Variants in GNA14 observed in about 807,000 individuals in gnomAD.
The protein encoded by GNA14 is G protein subunit alpha 14.
Under a neutral mutation model 42.0 loss-of-function variants are expected in GNA14, and 50 were observed. The ratio of observed to expected loss-of-function variants is 1.19; its 90% confidence interval spans 0.95 to 1.51. The LOEUF (loss-of-function observed/expected upper bound fraction) is 1.51, where lower values mean the gene tolerates loss of function less well. Among genes scored for constraint, GNA14 ranks in the 40% most tolerant of loss-of-function variants. GNA14 has a pLI of 0.00. For synonymous variants in GNA14, 173 were observed against 163.1 expected, an observed-to-expected ratio of 1.06 and a Z score of -0.46; for missense variants, 473 against 446.2, an observed-to-expected ratio of 1.06 and a Z score of -0.54.
At chr9:77,613,480 ATAAC>A (rs1823763159) in intron 1 of GNA14, among the ~76,000 whole-genome samples, 2 of 152,254 alleles carry the variant, frequency 1.3e-5, no homozygotes, top group African/African-American at 2.4e-5. Flanking sequence ...CATGGTGCCT[ATAAC>A]TAACAATAAT....
chr9:77,527,788 C>G (rs907706927), intron 2 of GNA14, among the ~76,000 whole-genome samples: 2 of 152,196 alleles, frequency 1.3e-5, no homozygotes, highest in Admixed American at 1.3e-4. Flanking sequence ...TGCCTGCCAC[C>G]ACACCCAGCT....
At chr9:77,450,666 C>T (rs907480304) in intron 2 of GNA14, among the ~76,000 whole-genome samples, 7 of 151,224 alleles carry the variant, frequency 4.6e-5, no homozygotes, top group East Asian at 1.9e-4. Flanking sequence ...TCTAGTGGCC[C>T]GTGTAATTTT....
chr9:77,534,228 T>C (rs1238344969), intron 1 of GNA14, among the ~76,000 whole-genome samples: 1 of 152,254 alleles, frequency 6.6e-6, no homozygotes, highest in Non-Finnish European at 1.5e-5. Flanking sequence ...TCATTTCTTA[T>C]GTGAAATTTA....
chr9:77,503,129 G>T (rs954044190), intron 2 of GNA14, among the ~76,000 whole-genome samples: 3 of 152,116 alleles, frequency 2.0e-5, no homozygotes, highest in South Asian at 2.1e-4. Context: ...TAATGTCAAG[G>T]ATTTTTAGTT....
At chr9:77,427,464 C>G (rs930213385) in intron 5 of GNA14, among the ~76,000 whole-genome samples, 1 of 152,172 alleles carries the variant, frequency 6.6e-6, no homozygotes. Flanking sequence ...AAAGTGTGCT[C>G]TCAAGAAATA....
At chr9:77,443,472 C>T (rs1380168193) in intron 2 of GNA14, among the ~76,000 whole-genome samples, 2 of 152,214 alleles carry the variant, frequency 1.3e-5, no homozygotes, top group East Asian at 3.8e-4. Context: ...GGGCTAAAGC[C>T]ACCTAGACTT....
At chr9:77,603,981 A>AAAAAAAAAAAAAAAC (rs1823611942) in intron 1 of GNA14, among the ~76,000 whole-genome samples, 1 of 127,208 alleles carries the variant, frequency 7.9e-6, no homozygotes, top group Non-Finnish European at 1.7e-5. Flanking sequence ...AAAAAAAAAA[A>AAAAAAAAAAAAAAAC]CACCTCTGAG....
rs116808470 is a variant in GNA14, at chr9:77,451,077, G to A, written c.310-16555C>T. On this transcript the variant is annotated intron_variant, in intron 2 of 6. Transcript: ENST00000341700. Reference sequence around the variant, plus strand: ...TAGCAGCATGAGAACAGACTAATACGGCATCTGAGTATAGTGTGACCATAA... The same window carrying A: ...TAGCAGCATGAGAACAGACTAATACAGCATCTGAGTATAGTGTGACCATAA... Among the ~76,000 whole-genome samples the A allele has an allele frequency of 5.3e-5, 8 of 151,998 alleles. 1 individual carries two copies. Among genetic ancestry groups the A allele is most frequent in the Admixed American group, 4.6e-4 (7 of 15,268 alleles).
At chr9:77,446,890 A>G (rs2131700764) in intron 2 of GNA14, among the ~76,000 whole-genome samples, 1 of 152,298 alleles carries the variant, frequency 6.6e-6, no homozygotes, top group African/African-American at 2.4e-5. Flanking sequence ...AAAGAAATCC[A>G]TTTTAACCAG....
At chr9:77,524,309 T>C (rs1403939071) in intron 2 of GNA14, among the ~76,000 whole-genome samples, 1 of 152,222 alleles carries the variant, frequency 6.6e-6, no homozygotes, top group African/African-American at 2.4e-5. Flanking sequence ...AAGTGGCCTG[T>C]CAAGTAATAG....
intron 2 of GNA14, among the ~76,000 whole-genome samples, chr9:77,454,507 C>T (rs143494949): frequency 6.6e-6 from 1 of 151,574 alleles, no homozygotes; most frequent in African/African-American, 2.4e-5. Flanking sequence ...GGGGAGTTAT[C>T]TGATAATAGT....
intron 1 of GNA14, among the ~76,000 whole-genome samples, chr9:77,626,327 A>G (rs1467086719): frequency 6.6e-6 from 1 of 152,192 alleles, no homozygotes; most frequent in African/African-American, 2.4e-5. Flanking sequence ...TATTAGATCA[A>G]TGAGACAGAA....
chr9:77,524,965 C>T (rs1008263420), intron 2 of GNA14, among the ~76,000 whole-genome samples: 1 of 152,068 alleles, frequency 6.6e-6, no homozygotes, highest in African/African-American at 2.4e-5. Context: ...AGAGATGGTA[C>T]GGCTTCCCCA....
chr9:77,540,892 T>C (rs1279962067), intron 1 of GNA14, among the ~76,000 whole-genome samples: 1 of 152,180 alleles, frequency 6.6e-6, no homozygotes, highest in African/African-American at 2.4e-5. Flanking sequence ...AGTTAGATCA[T>C]GTTCCTTTAT....
At chr9:77,567,072 A>T (rs1408066113) in intron 1 of GNA14, among the ~76,000 whole-genome samples, 2 of 152,282 alleles carry the variant, frequency 1.3e-5, no homozygotes, top group African/African-American at 4.8e-5. Context: ...AACATACTGC[A>T]TATTTATTAT....
chr9:77,517,541 CTGTGTA>C (rs1309156526), intron 2 of GNA14: 1 of 137,724 alleles, frequency 7.3e-6, no homozygotes, highest in East Asian at 2.2e-4. Flanking sequence ...CACTGCAAGT[CTGTGTA>C]TGTGTATGTA....
chr9:77,457,334 G>T (rs1472769276), intron 2 of GNA14, among the ~76,000 whole-genome samples: 1 of 152,160 alleles, frequency 6.6e-6, no homozygotes, highest in Middle Eastern at 3.2e-3. Context: ...ATGCCCCTTG[G>T]GGGTCTATGT....
chr9:77,541,747 T>C (rs1457631454), intron 1 of GNA14, among the ~76,000 whole-genome samples: 1 of 152,158 alleles, frequency 6.6e-6, no homozygotes, highest in African/African-American at 2.4e-5. Context: ...TTTTTTTCTT[T>C]ATTTTTGTCT....
intron 2 of GNA14, among the ~76,000 whole-genome samples, chr9:77,476,574 T>C (rs945475140): frequency 6.6e-6 from 1 of 152,222 alleles, no homozygotes; most frequent in Non-Finnish European, 1.5e-5. Flanking sequence ...ATAAGGGCCA[T>C]ACTGCCTCTT....
Sources: allele counts gnomAD v4.1 joint callset (sites outside exome capture counted in the v4.1 genomes callset), GRCh38; gene constraint gnomAD v4.1.1; transcripts MANE v1.5; gene names NCBI Gene and HGNC (gene_info 2026-07-23, HGNC 2026-07-21).